Variants in HMGA2 observed in about 807,000 individuals in gnomAD.
The protein encoded by HMGA2 is high mobility group protein HMGI-C.
Under a neutral mutation model 19.1 loss-of-function variants are expected in HMGA2, and 8 were observed. That is an observed-to-expected ratio of 0.42 (90% CI 0.25 to 0.76). The LOEUF is 0.76. Ranked by LOEUF, HMGA2 falls within the 30% of genes least tolerant of loss-of-function variation. HMGA2 has a pLI of 0.28. For synonymous variants in HMGA2, 60 were observed against 48.8 expected, an observed-to-expected ratio of 1.23 and a Z score of -0.96; for missense variants, 109 against 136.3, an observed-to-expected ratio of 0.80 and a Z score of 1.00.
At chr12:65,859,382 T>G (rs567992089) in intron 3 of HMGA2, 1 of 152,324 alleles carries the variant, frequency 6.6e-6, no homozygotes, top group South Asian at 2.1e-4. Context: ...AGATTGTTCT[T>G]CCTCTGTCAT....
intron 3 of HMGA2, among the ~76,000 whole-genome samples, chr12:65,938,745 G>T (rs568289221): frequency 6.6e-6 from 1 of 152,006 alleles, no homozygotes; most frequent in Non-Finnish European, 1.5e-5. Flanking sequence ...ACCTCCCCAG[G>T]CTCAGGTGAT....
intron 3 of HMGA2, among the ~76,000 whole-genome samples, chr12:65,945,564 CT>C (rs1467057009): frequency 6.6e-6 from 1 of 151,868 alleles, no homozygotes; most frequent in Non-Finnish European, 1.5e-5. Context: ...TGTTTTGAAC[CT>C]TTAAATAACT....
chr12:65,864,995 C>G (rs569413229), intron 3 of HMGA2, among the ~76,000 whole-genome samples: 1 of 152,120 alleles, frequency 6.6e-6, no homozygotes, highest in Non-Finnish European at 1.5e-5. Flanking sequence ...GCCTCTGTTA[C>G]CCCTGAAACA....
rs1876400533 is a variant in HMGA2, at chr12:65,949,957, ACAT to A, written c.250-1422_250-1420del. 2.6e-5 allele frequency among the ~76,000 whole-genome samples: 4 copies of A among 152,358 alleles called. No individual in the cohort carries two copies. In the South Asian group the frequency reaches 8.3e-4, roughly 32 times the overall value. ...CAATAAGCACATGAAAAGATGCTCAACATCATTAGTTGTGAGAGAAGTTCAAAT... is the reference window on the plus strand; with the variant it reads ...CAATAAGCACATGAAAAGATGCTCAACATTAGTTGTGAGAGAAGTTCAAAT... On this transcript the variant is annotated intron_variant, in intron 3 of 4. Transcript: ENST00000403681.
chr12:65,842,581 T>C, intron 3 of HMGA2: 1 of 1,524,214 alleles, frequency 6.6e-7, no homozygotes, highest in South Asian at 1.2e-5. Flanking sequence ...TAATTCTCTT[T>C]GCTATTAAGG....
At position 65,914,924 on chromosome 12, in the gene HMGA2, C is replaced by T. The variant is rs766450805; in HGVS notation, c.250-36459C>T. ...TCCTGACCTCAGGTGAGCCACCCAC[C>T]TTGGCCTCTCAAAGTGCTGGGAATA... On this transcript the variant is annotated intron_variant, in intron 3 of 4. Transcript: ENST00000403681. 7 of 1,209,744 alleles carry T rather than the reference C, an allele frequency of 5.8e-6. No homozygotes were observed. The South Asian group carries it at 6.1e-5, about 11-fold the overall frequency. 74.9% of individuals were successfully genotyped at this position (1,209,744 alleles called of 1,614,324 possible).
chr12:65,833,409 T>G lies in HMGA2; in HGVS notation c.199-5110T>G, dbSNP rs560048291. ...GGGCACCATCACACCCAAATATTTT[T>G]CTAGTTTTTTTTTTTTTTGGTACAG... On this transcript the variant is annotated intron_variant, in intron 2 of 4. Coordinates refer to ENST00000403681, the MANE Select transcript of HMGA2 (RefSeq NM_003483.6). 2.0e-4 allele frequency among the ~76,000 whole-genome samples: 26 copies of G among 130,888 alleles called. No individual in the cohort carries two copies. In the South Asian group the frequency reaches 6.1e-3, roughly 31 times the overall value. The allele number at this position is 130,888 out of a possible 152,430, so 85.9% of individuals were successfully genotyped here.
chr12:65,918,658 G>T (rs76901341), intron 3 of HMGA2, among the ~76,000 whole-genome samples: 186 of 152,224 alleles, frequency 1.2e-3, no homozygotes, highest in African/African-American at 4.3e-3. Context: ...ACAAAACTCA[G>T]ATTTTGGTAA....
chr12:65,961,417 G>A (rs1333937912), intron 4 of HMGA2, among the ~76,000 whole-genome samples: 2 of 152,178 alleles, frequency 1.3e-5, no homozygotes, highest in Non-Finnish European at 2.9e-5. Flanking sequence ...CAGGGTCATG[G>A]CCTGTTGCCT....
At chr12:65,891,159 TGATTCCAAACCCTTGTACCTACCA>T (rs1426576941) in intron 3 of HMGA2, among the ~76,000 whole-genome samples, 1 of 152,224 alleles carries the variant, frequency 6.6e-6, no homozygotes, top group African/African-American at 2.4e-5. Flanking sequence ...GACCCTGTTT[TGATTCCAAACCCTTGTACCTACCA>T]GACCATTTAG....
intron 3 of HMGA2, among the ~76,000 whole-genome samples, chr12:65,855,699 AGATGATGATGAT>A (rs3048830): frequency 1.5e-4 from 22 of 148,652 alleles, no homozygotes; most frequent in Admixed American, 4.1e-4. Context: ...ACCAGAACAC[AGATGATGATGAT>A]GATGATGATG....
chr12:65,951,252 G>C (rs1304989994), intron 3 of HMGA2, 131 bp from the exon 4 acceptor site: 1 of 629,490 alleles, frequency 1.6e-6, no homozygotes, highest in Non-Finnish European at 2.8e-6. Flanking sequence ...TTTAACATTG[G>C]ATATACCAGT....
At chr12:65,861,139 A>C (rs1872041240) in intron 3 of HMGA2, among the ~76,000 whole-genome samples, 1 of 152,200 alleles carries the variant, frequency 6.6e-6, no homozygotes, top group African/African-American at 2.4e-5. Context: ...AGGCCAAGGC[A>C]GGTGGATCAC....
At chr12:65,840,776 A>G (rs1870962357) in intron 3 of HMGA2, among the ~76,000 whole-genome samples, 1 of 152,222 alleles carries the variant, frequency 6.6e-6, no homozygotes, top group Non-Finnish European at 1.5e-5. Context: ...CATAATAGAA[A>G]ATAGATGAGT....
intron 3 of HMGA2, among the ~76,000 whole-genome samples, chr12:65,925,221 G>A (rs1875465455): frequency 6.6e-6 from 1 of 152,132 alleles, no homozygotes; most frequent in Admixed American, 6.5e-5. Flanking sequence ...TAGGTTATAA[G>A]TTTTTGCCAC....
chr12:65,827,632 T>C (rs532060253), intron 1 of HMGA2, among the ~76,000 whole-genome samples: 2 of 152,348 alleles, frequency 1.3e-5, no homozygotes, highest in South Asian at 4.1e-4. Flanking sequence ...TAATGCAGAG[T>C]GGTGTTCGTT....
chr12:65,951,282 T>A, intron 3 of HMGA2, 101 bp from the exon 4 acceptor site: 1 of 745,730 alleles, frequency 1.3e-6, no homozygotes, highest in Non-Finnish European at 2.2e-6. Context: ...TACTTTCCTC[T>A]TTCCTTTGCA....
chr12:65,945,255 C>T (rs985663504), intron 3 of HMGA2, among the ~76,000 whole-genome samples: 7 of 151,460 alleles, frequency 4.6e-5, no homozygotes, highest in Non-Finnish European at 1.0e-4. Context: ...AAAAATGATT[C>T]AAAGCCTCCA....
intron 3 of HMGA2, chr12:65,915,343 C>A (rs1875054823): frequency 1.5e-5 from 21 of 1,359,776 alleles, no homozygotes; most frequent in Non-Finnish European, 1.7e-5. Flanking sequence ...CCATATGGCA[C>A]CCTTGTACGA....
Sources: gnomAD v4.1 joint callset for allele counts (sites outside exome capture counted in the v4.1 genomes callset) on GRCh38, gnomAD v4.1.1 for gene constraint, MANE v1.5 for transcripts, NCBI Gene and HGNC (gene_info 2026-07-23, HGNC 2026-07-21) for gene names.